NOVA1: variants seen among roughly 807,000 people sequenced by gnomAD.
The protein encoded by NOVA1 is RNA-binding protein Nova-1.
In NOVA1, 7 loss-of-function variants were observed where a neutral mutation model predicts 38.0. The ratio of observed to expected loss-of-function variants is 0.18; its 90% CI spans 0.10 to 0.35. The LOEUF is 0.35. NOVA1 is among the 10% of genes least tolerant of loss of function. The pLI is 1.00. For missense variants in NOVA1, 460 were observed against 616.0 expected, an observed-to-expected ratio of 0.75 and a Z score of 2.68; for synonymous variants, 270 against 232.5, an observed-to-expected ratio of 1.16 and a Z score of -1.47.
intron 2 of NOVA1, among the ~76,000 whole-genome samples, chr14:26,523,556 A>C (rs2138514026): frequency 6.6e-6 from 1 of 152,312 alleles, no homozygotes; most frequent in South Asian, 2.1e-4. Context: ...TAAAGTAGTA[A>C]GACCTCCATA....
chr14:26,565,685 G>A (rs1288498538), intron 2 of NOVA1, among the ~76,000 whole-genome samples: 1 of 152,022 alleles, frequency 6.6e-6, no homozygotes, highest in Non-Finnish European at 1.5e-5. Flanking sequence ...ATATTGTGTG[G>A]AATCAAACTA....
At chr14:26,484,456 A>AAAAAAAG (rs1566466077) in intron 2 of NOVA1, among the ~76,000 whole-genome samples, 3 of 150,312 alleles carry the variant, frequency 2.0e-5, no homozygotes, top group African/African-American at 7.4e-5. Flanking sequence ...AAAAAAAAAA[A>AAAAAAAG]AAAAAAGAAA....
intron 4 of NOVA1, among the ~76,000 whole-genome samples, chr14:26,469,518 A>G (rs1884419593): frequency 6.6e-6 from 1 of 152,222 alleles, no homozygotes; most frequent in African/African-American, 2.4e-5. Context: ...TGTTTATTAC[A>G]TTCAAGACAC....
chr14:26,530,013 G>A lies in NOVA1; in HGVS notation c.281-49870C>T, dbSNP rs573334214. Among the ~76,000 whole-genome samples, 134 of 152,098 alleles carry A rather than the reference G, an allele frequency of 8.8e-4. 3 individuals carry two copies. The Middle Eastern group carries it at 0.014, about 15-fold the overall frequency. Reference sequence around the variant, plus strand: ...CGGCTCACTGCAAGCTCCGCCTCCCGGGTTCACGCCATTCTCCTGCCTCAG... The same window carrying A: ...CGGCTCACTGCAAGCTCCGCCTCCCAGGTTCACGCCATTCTCCTGCCTCAG... On this transcript the variant is annotated intron_variant, in intron 2 of 4. Transcript: ENST00000539517.
At chr14:26,496,237 C>A (rs569829334) in intron 2 of NOVA1, among the ~76,000 whole-genome samples, 1 of 152,202 alleles carries the variant, frequency 6.6e-6, no homozygotes, top group African/African-American at 2.4e-5. Context: ...TTGCATTTCT[C>A]TGACGACCAG....
At chr14:26,482,811 T>C (rs1885572369) in intron 2 of NOVA1, among the ~76,000 whole-genome samples, 1 of 152,096 alleles carries the variant, frequency 6.6e-6, no homozygotes, top group Non-Finnish European at 1.5e-5. Context: ...GTGATCCTCA[T>C]GCCTTGGCCC....
chr14:26,546,927 G>A (rs956524492), intron 2 of NOVA1, among the ~76,000 whole-genome samples: 4 of 152,134 alleles, frequency 2.6e-5, no homozygotes, highest in African/African-American at 7.2e-5. Context: ...GCTGAGGCAG[G>A]AGAATCATTT....
At chr14:26,504,978 G>C (rs549522753) in intron 2 of NOVA1, among the ~76,000 whole-genome samples, 1 of 151,692 alleles carries the variant, frequency 6.6e-6, no homozygotes, top group Non-Finnish European at 1.5e-5. Context: ...TTTGATCTCA[G>C]GTGGTGGCAG....
intron 1 of NOVA1, chr14:26,596,708 C>A: frequency 7.8e-7 from 1 of 1,286,692 alleles, no homozygotes; most frequent in Non-Finnish European, 1.0e-6. Flanking sequence ...GACACCCCCA[C>A]CCTCGTATGC....
At position 26,457,781 on chromosome 14, in the gene NOVA1, T is replaced by A. The variant is rs534477451; in HGVS notation, c.520-8818A>T. On this transcript the variant is annotated intron_variant, in intron 4 of 4. Coordinates refer to ENST00000539517, the MANE Select transcript of NOVA1 (RefSeq NM_002515.3). ...GGAAGTAATCCAGAAGAACACATTG[T>A]CATCACAGGAGAGGATAGCTCCATG... is the stretch of plus-strand genomic sequence containing the variant. Among the ~76,000 whole-genome samples the A allele has an allele frequency of 2.0e-5, 3 of 152,230 alleles. No individual in the cohort carries two copies. In the South Asian group the frequency reaches 6.2e-4, roughly 32 times the overall value.
chr14:26,457,558 C>A (rs979981743), intron 4 of NOVA1, among the ~76,000 whole-genome samples: 2 of 152,050 alleles, frequency 1.3e-5, no homozygotes, highest in Admixed American at 6.6e-5. Flanking sequence ...GTAAACAAAC[C>A]TACTGCTCTG....
chr14:26,470,394 T>C, intron 4 of NOVA1: 4 of 1,516,810 alleles, frequency 2.6e-6, no homozygotes, highest in East Asian at 2.3e-5. Context: ...ATTAATAATA[T>C]GAAAGATTGA....
Position 26,466,612 on chromosome 14 carries a change from T to G in NOVA1, c.519+5708A>C, listed in dbSNP as rs1884160283. ...TGCACATGTGAGGAATAATAAAGAT[T>G]AAGCTTCTTTAGTTCATGGTTGCTA... On this transcript the variant is annotated intron_variant, in intron 4 of 4. Coordinates refer to ENST00000539517, the MANE Select transcript of NOVA1 (RefSeq NM_002515.3). Among the ~76,000 whole-genome samples, 4 of 152,340 alleles carry G rather than the reference T, an allele frequency of 2.6e-5. 1 individual carries two copies. The South Asian group carries it at 8.3e-4, about 32-fold the overall frequency.
At chr14:26,490,376 A>C (rs1409137624) in intron 2 of NOVA1, among the ~76,000 whole-genome samples, 2 of 152,208 alleles carry the variant, frequency 1.3e-5, no homozygotes, top group African/African-American at 4.8e-5. Flanking sequence ...CTAGGAGTGG[A>C]ATTGTTGACT....
At chr14:26,502,126 A>C (rs1687661448) in intron 2 of NOVA1, among the ~76,000 whole-genome samples, 1 of 151,926 alleles carries the variant, frequency 6.6e-6, no homozygotes, top group African/African-American at 2.4e-5. Flanking sequence ...CTGTAAGAGG[A>C]ACTAACTAGT....
intron 2 of NOVA1, among the ~76,000 whole-genome samples, chr14:26,594,784 C>G (rs1446400543): frequency 6.6e-6 from 1 of 152,110 alleles, no homozygotes; most frequent in East Asian, 1.9e-4. Context: ...ACTACACTGT[C>G]AACATATTTA....
intron 2 of NOVA1, among the ~76,000 whole-genome samples, chr14:26,496,890 A>T (rs984185405): frequency 1.3e-5 from 2 of 152,102 alleles, no homozygotes; most frequent in Non-Finnish European, 2.9e-5. Flanking sequence ...TGTTTTGGTT[A>T]CTGTAGCCTT....
chr14:26,583,175 T>G (rs1432389606), intron 2 of NOVA1, among the ~76,000 whole-genome samples: 3 of 151,696 alleles, frequency 2.0e-5, no homozygotes, highest in African/African-American at 7.2e-5. Flanking sequence ...AAATAGAATA[T>G]CATTTTAAAG....
intron 2 of NOVA1, among the ~76,000 whole-genome samples, chr14:26,523,747 G>GAT (rs1356832926): frequency 2.9e-5 from 4 of 136,736 alleles, no homozygotes; most frequent in African/African-American, 1.2e-4. Context: ...TCCACTTGAA[G>GAT]ATTTTTTTTT....
Sources: gnomAD v4.1 joint callset for allele counts (sites outside exome capture counted in the v4.1 genomes callset) on GRCh38, gnomAD v4.1.1 for gene constraint, MANE v1.5 for transcripts, NCBI Gene and HGNC (gene_info 2026-07-23, HGNC 2026-07-21) for gene names.